The following FOXP2 variants were observed in gnomAD, a reference collection of about 807,000 sequenced individuals.
The protein encoded by FOXP2 is forkhead box protein P2.
A neutral mutation model predicts 115.8 loss-of-function variants in FOXP2; 12 were observed. That is an observed-to-expected ratio of 0.10 (90% CI 0.07 to 0.17). FOXP2 has a LOEUF of 0.17. FOXP2 is among the 10% of genes least tolerant of loss of function. FOXP2 has a pLI of 1.00. For missense variants in FOXP2, 629 were observed against 843.5 expected (o/e 0.75, Z 3.15); for synonymous variants, 328 against 297.7 (o/e 1.10, Z -1.05).
intron 2 of FOXP2, among the ~76,000 whole-genome samples, chr7:114,375,590 G>A (rs1217002856): frequency 6.6e-6 from 1 of 152,106 alleles, no homozygotes; most frequent in African/African-American, 2.4e-5. Flanking sequence ...TCCAGTATTT[G>A]GGCAGACCTC....
chr7:114,434,418 A>T (rs1584730569), intron 2 of FOXP2, among the ~76,000 whole-genome samples: 1 of 107,128 alleles, frequency 9.3e-6, no homozygotes, highest in Non-Finnish European at 1.8e-5. Context: ...TATATTTCTG[A>T]CCTCACGGTT....
intron 1 of FOXP2, among the ~76,000 whole-genome samples, chr7:114,111,921 A>G (rs1436323339): frequency 6.6e-6 from 1 of 151,912 alleles, no homozygotes; most frequent in Non-Finnish European, 1.5e-5. Context: ...AAAGATTGTC[A>G]TGAGAAAAAT....
intron 2 of FOXP2, among the ~76,000 whole-genome samples, chr7:114,388,679 C>G (rs1792516126): frequency 1.3e-5 from 2 of 152,148 alleles, no homozygotes; most frequent in African/African-American, 4.8e-5. Context: ...GAGATTATAA[C>G]AAAATTTCTT....
At chr7:114,603,376 G>A (rs896193538) in intron 3 of FOXP2, among the ~76,000 whole-genome samples, 1 of 152,168 alleles carries the variant, frequency 6.6e-6, no homozygotes, top group Non-Finnish European at 1.5e-5. Context: ...GGAATTAAGG[G>A]AATTCATGAA....
At chr7:114,663,255 C>A (rs1403339890) in intron 14 of FOXP2, among the ~76,000 whole-genome samples, 195 bp from the exon 15 acceptor site, 2 of 151,998 alleles carry the variant, frequency 1.3e-5, no homozygotes, top group Non-Finnish European at 2.9e-5. Context: ...TTCTTATATT[C>A]CTGGATCAAG....
intron 2 of FOXP2, among the ~76,000 whole-genome samples, chr7:114,334,716 T>G (rs1175420067): frequency 1.3e-5 from 2 of 151,326 alleles, no homozygotes; most frequent in East Asian, 3.9e-4. Flanking sequence ...ATATTTACAT[T>G]CCAAATGAGT....
intron 1 of FOXP2, among the ~76,000 whole-genome samples, chr7:114,173,323 TGG>T (rs1157976134): frequency 1.3e-5 from 2 of 151,964 alleles, no homozygotes; most frequent in East Asian, 3.9e-4. Flanking sequence ...GTACCAGATA[TGG>T]GGTGTTTTCT....
intron 2 of FOXP2, among the ~76,000 whole-genome samples, chr7:114,511,108 GA>G (rs1798045735): frequency 6.6e-6 from 1 of 152,050 alleles, no homozygotes; most frequent in South Asian, 2.1e-4. Flanking sequence ...CACAAGAACA[GA>G]AAATCAAGCA....
intron 2 of FOXP2, among the ~76,000 whole-genome samples, chr7:114,305,712 T>C (rs1796997532): frequency 6.6e-6 from 1 of 152,190 alleles, no homozygotes; most frequent in Admixed American, 6.6e-5. Context: ...TGATGTAATA[T>C]CATTGAAATG....
chr7:114,426,464 G>C (rs747642267), intron 1 of FOXP2, 38 bp from the exon 2 acceptor site: 2 of 1,585,630 alleles, frequency 1.3e-6, no homozygotes, highest in Non-Finnish European at 1.7e-6. Flanking sequence ...GTGTGAAGGT[G>C]TAACGTGTGT....
chr7:114,459,763 G>A (rs772224998), intron 2 of FOXP2, among the ~76,000 whole-genome samples: 6 of 151,920 alleles, frequency 3.9e-5, no homozygotes, highest in South Asian at 2.1e-4. Context: ...TTACAAACAC[G>A]TGCCACCACG....
intron 1 of FOXP2, among the ~76,000 whole-genome samples, chr7:114,125,799 T>C (rs1417530610): frequency 6.6e-6 from 1 of 152,154 alleles, no homozygotes; most frequent in Non-Finnish European, 1.5e-5. Context: ...CAGTTTCAGA[T>C]TGATAATGTA....
intron 3 of FOXP2, among the ~76,000 whole-genome samples, chr7:114,578,777 A>G (rs796990828): frequency 1.3e-5 from 2 of 152,216 alleles, no homozygotes; most frequent in African/African-American, 4.8e-5. Flanking sequence ...TATCTATGAC[A>G]TTGTTTTATT....
chr7:114,649,309 G>A (rs1378390956), intron 8 of FOXP2, among the ~76,000 whole-genome samples: 1 of 152,076 alleles, frequency 6.6e-6, no homozygotes, highest in Non-Finnish European at 1.5e-5. Context: ...GCATAAGATA[G>A]TATTATGGAG....
intron 1 of FOXP2, among the ~76,000 whole-genome samples, chr7:114,224,149 T>C (rs1407718408): frequency 6.6e-6 from 1 of 152,168 alleles, no homozygotes; most frequent in Non-Finnish European, 1.5e-5. Context: ...GGACTTAATT[T>C]TCTTCTATTG....
intron 2 of FOXP2, among the ~76,000 whole-genome samples, chr7:114,329,321 C>A (rs2129182628): frequency 6.6e-6 from 1 of 151,972 alleles, no homozygotes; most frequent in East Asian, 1.9e-4. Context: ...AGTTCAAGAC[C>A]AGCCTTGTCA....
intron 3 of FOXP2, among the ~76,000 whole-genome samples, chr7:114,593,486 T>TC (rs1219901018): frequency 1.2e-4 from 19 of 152,094 alleles, no homozygotes; most frequent in Non-Finnish European, 2.1e-4. Flanking sequence ...ATTATCTTCT[T>TC]TTTCTATCAA....
At chr7:114,226,533 T>C (rs1794753342) in intron 1 of FOXP2, among the ~76,000 whole-genome samples, 1 of 152,180 alleles carries the variant, frequency 6.6e-6, no homozygotes, top group South Asian at 2.1e-4. Flanking sequence ...TGGTCTCCTC[T>C]TCATTTTAAC....
chr7:114,401,355 G>T (rs1792883121), intron 2 of FOXP2, among the ~76,000 whole-genome samples: 1 of 152,106 alleles, frequency 6.6e-6, no homozygotes, highest in African/African-American at 2.4e-5. Flanking sequence ...TGAAACTTTT[G>T]CTTTTTTAAA....
Sources: gnomAD v4.1 joint callset for allele counts (sites outside exome capture counted in the v4.1 genomes callset) on GRCh38, gnomAD v4.1.1 for gene constraint, MANE v1.5 for transcripts, NCBI Gene and HGNC (gene_info 2026-07-23, HGNC 2026-07-21) for gene names.